The following AR variants were observed in gnomAD, a reference collection of about 807,000 sequenced individuals.
AR encodes dihydrotestosterone receptor.
In AR, 8 loss-of-function variants were observed where a neutral mutation model predicts 53.9. That is an observed-to-expected ratio of 0.15 (90% CI 0.09 to 0.27). AR has a LOEUF of 0.27. AR is among the 10% of genes least tolerant of loss of function. The pLI is 1.00. For missense variants in AR, 639 were observed against 742.5 expected, an observed-to-expected ratio of 0.86 and a Z score of 1.62; for synonymous variants, 359 against 316.4, an observed-to-expected ratio of 1.13 and a Z score of -1.43.
At chrX:67,684,793 A>G (rs2075956643) in intron 2 of AR, among the ~76,000 whole-genome samples, 1 of 111,948 alleles carries the variant, frequency 8.9e-6, no homozygotes, top group African/African-American at 3.2e-5. Flanking sequence ...AGATGCATTT[A>G]TGTGCCTAAT....
intron 2 of AR, among the ~76,000 whole-genome samples, chrX:67,683,761 A>G (rs2075949945): frequency 9.0e-6 from 1 of 111,646 alleles, no homozygotes; most frequent in Non-Finnish European, 1.9e-5. Context: ...TTTTGCACTT[A>G]CTCCTGAGTA....
At chrX:67,664,634 C>T (rs1187723043) in intron 2 of AR, among the ~76,000 whole-genome samples, 1 of 112,187 alleles carries the variant, frequency 8.9e-6, no homozygotes, top group African/African-American at 3.2e-5. Context: ...CCACTACTCT[C>T]TTCAAAGCTG....
chrX:67,595,810 T>A (rs981773289), intron 1 of AR, among the ~76,000 whole-genome samples: 4 of 111,040 alleles, frequency 3.6e-5, no homozygotes, highest in Non-Finnish European at 7.5e-5. Flanking sequence ...TGAGACCCCA[T>A]CTCCAATAAA....
At chrX:67,600,119 C>A (rs2147374986) in intron 1 of AR, among the ~76,000 whole-genome samples, 1 of 111,124 alleles carries the variant, frequency 9.0e-6, no homozygotes, top group African/African-American at 3.3e-5. Context: ...AGGGGATATA[C>A]CTCAAGTTGC....
rs150088242 is a variant in AR, at chrX:67,644,825, T to C, written c.1768+1418T>C. ...CCCCAAATTACCCATTGCTACTGTT[T>C]ATGCTGGGCTAATATGAAGCCCAGG... is the stretch of plus-strand genomic sequence containing the variant. On this transcript the variant is annotated intron_variant, in intron 2 of 7. Coordinates refer to ENST00000374690, the MANE Select transcript of AR (RefSeq NM_000044.6). Among the ~76,000 whole-genome samples, 216 of 111,627 alleles carry C rather than the reference T, an allele frequency of 1.9e-3. 4 individuals carry two copies. In the East Asian group the frequency reaches 0.038, roughly 20 times the overall value.
At chrX:67,717,290 T>C (rs1376246366) in intron 4 of AR, among the ~76,000 whole-genome samples, 188 bp from the exon 5 acceptor site, 3 of 111,387 alleles carry the variant, frequency 2.7e-5, no homozygotes, top group Non-Finnish European at 5.7e-5. Flanking sequence ...GTAGGGAGGA[T>C]AAGGAATATT....
At chrX:67,629,588 C>G (rs1255482424) in intron 1 of AR, among the ~76,000 whole-genome samples, 9 of 110,106 alleles carry the variant, frequency 8.2e-5, no homozygotes, top group East Asian at 5.7e-4. Flanking sequence ...CAAAAAACCA[C>G]CTCCTGGATT....
intron 1 of AR, among the ~76,000 whole-genome samples, chrX:67,610,564 T>C (rs1245439824): frequency 9.0e-6 from 1 of 111,238 alleles, no homozygotes; most frequent in African/African-American, 3.3e-5. Context: ...TATTGTTAGA[T>C]ATATGCATGG....
At chrX:67,622,075 C>A (rs903771901) in intron 1 of AR, among the ~76,000 whole-genome samples, 1 of 111,446 alleles carries the variant, frequency 9.0e-6, no homozygotes, top group African/African-American at 3.3e-5. Context: ...CATAATAAGC[C>A]CCCAGTAAAT....
chrX:67,657,095 G>A (rs770416642), intron 2 of AR, among the ~76,000 whole-genome samples: 1 of 110,606 alleles, frequency 9.0e-6, no homozygotes, highest in African/African-American at 3.3e-5. Flanking sequence ...CCAAACAGAA[G>A]TGTTTGCTAA....
chrX:67,638,066 C>G (rs1235970758), intron 1 of AR, among the ~76,000 whole-genome samples: 1 of 111,146 alleles, frequency 9.0e-6, no homozygotes, highest in African/African-American at 3.3e-5. Flanking sequence ...TGAGTGAGAA[C>G]ATGCAGTGTT....
chrX:67,612,506 T>C (rs1038452497), intron 1 of AR, among the ~76,000 whole-genome samples: 4 of 112,173 alleles, frequency 3.6e-5, no homozygotes, highest in Non-Finnish European at 7.5e-5. Context: ...GGGCAACTTT[T>C]TTCTTGCCTG....
chrX:67,595,393 G>A (rs765554950), intron 1 of AR, among the ~76,000 whole-genome samples: 10 of 109,995 alleles, frequency 9.1e-5, no homozygotes, highest in East Asian at 5.7e-4. Flanking sequence ...AAGATTATGC[G>A]ACTGTATTAT....
chrX:67,593,443 C>A (rs746497107), intron 1 of AR, among the ~76,000 whole-genome samples: 71 of 108,036 alleles, frequency 6.6e-4, no homozygotes, highest in African/African-American at 2.3e-3. Flanking sequence ...CTCACTGCAA[C>A]CTCCACCTCC....
Position 67,546,694 on chromosome X carries a change from T to A in AR, c.1548T>A (p.Ser516Arg). ...TGGTGAGCAGAGTGCCCTATCCCAG[T>A]CCCACTTGTGTCAAAAGCGAAATGG... ...GGMVSRVPYPSPTCVKSEMGP... is the reference protein window; with the variant it reads ...GGMVSRVPYPRPTCVKSEMGP... Residue 516 changes from serine (S) to arginine (R), a missense_variant, in exon 1 of 8, where the codon AGT becomes AGA. Physicochemically the swap from Ser to Arg is moderately radical, Grantham distance 110. Transcript: ENST00000374690. 1 of 1,208,905 alleles carries A rather than the reference T, an allele frequency of 8.3e-7. No homozygotes were observed.
chrX:67,621,256 C>T (rs1267217063), intron 1 of AR, among the ~76,000 whole-genome samples: 1 of 111,221 alleles, frequency 9.0e-6, no homozygotes, highest in Non-Finnish European at 1.9e-5. Flanking sequence ...AGGAGTTGGA[C>T]TAGTTTAGTG....
intron 3 of AR, among the ~76,000 whole-genome samples, chrX:67,709,510 G>A (rs1297415407): frequency 8.9e-6 from 1 of 112,271 alleles, no homozygotes; most frequent in Non-Finnish European, 1.9e-5. Flanking sequence ...TAGGGTGGGA[G>A]TGACCCAATT....
chrX:67,659,438 A>T (rs1007865565), intron 2 of AR, among the ~76,000 whole-genome samples: 2 of 110,230 alleles, frequency 1.8e-5, no homozygotes, highest in Non-Finnish European at 3.8e-5. Context: ...TCATTGTTCA[A>T]TTCTCACCTG....
rs1377692693 is a variant in AR, at chrX:67,726,862, T to A, written c.*3021T>A. ...TATACTGTACTCACCTGTGAGGGAC[T>A]GGCCACTCAGACCCACTTAGCTGGT... On this transcript the variant is annotated 3_prime_UTR_variant, in exon 8 of 8. Coordinates refer to ENST00000374690, the MANE Select transcript of AR (RefSeq NM_000044.6). 5.7e-6 allele frequency: 1 copy of A among 174,160 alleles called. No homozygotes were observed. The highest frequency in any genetic ancestry group is 1.1e-5 in the Non-Finnish European group (1 of 91,237). The allele number at this position is 174,160 out of a possible 1,213,427, so 14.4% of individuals were successfully genotyped here. A position where few individuals can be genotyped will look rare whatever the true frequency, so the allele number is the denominator to read the frequency against.
Sources: allele counts gnomAD v4.1 joint callset (sites outside exome capture counted in the v4.1 genomes callset), GRCh38; gene constraint gnomAD v4.1.1; transcripts MANE v1.5; gene names NCBI Gene and HGNC (gene_info 2026-07-23, HGNC 2026-07-21).